The following SEMA3C variants were observed in gnomAD, a reference collection of about 807,000 sequenced individuals.
The protein encoded by SEMA3C is semaphorin-3C.
A neutral mutation model predicts 89.4 loss-of-function variants in SEMA3C; 47 were observed. That is an observed-to-expected ratio of 0.53 (90% confidence interval 0.42 to 0.67). The LOEUF (loss-of-function observed/expected upper bound fraction) is 0.67. Ranked by LOEUF, SEMA3C falls within the 30% of genes least tolerant of loss-of-function variation. The pLI is 0.00. For missense variants in SEMA3C, 839 were observed against 929.1 expected, an observed-to-expected ratio of 0.90 and a Z score of 1.26; for synonymous variants, 310 against 320.2, an observed-to-expected ratio of 0.97 and a Z score of 0.34.
At chr7:80,775,157 G>A (rs1181334614) in intron 12 of SEMA3C, among the ~76,000 whole-genome samples, 2 of 151,276 alleles carry the variant, frequency 1.3e-5, no homozygotes, top group African/African-American at 4.8e-5. Context: ...TAAAAGCATG[G>A]AAATTTTGTT....
intron 2 of SEMA3C, among the ~76,000 whole-genome samples, chr7:80,910,210 T>A (rs1792111412): frequency 5.9e-5 from 9 of 152,186 alleles, no homozygotes; most frequent in Admixed American, 5.2e-4. Flanking sequence ...GCCAATTTAC[T>A]TCATAGGCAT....
intron 11 of SEMA3C, among the ~76,000 whole-genome samples, chr7:80,792,087 A>G (rs899908017): frequency 2.0e-5 from 3 of 152,338 alleles, no homozygotes; most frequent in African/African-American, 7.2e-5. Flanking sequence ...TCTTTATTCC[A>G]TTAACTAGAC....
chr7:80,881,120 A>G (rs1156743523), intron 2 of SEMA3C, among the ~76,000 whole-genome samples: 1 of 151,448 alleles, frequency 6.6e-6, no homozygotes, highest in Non-Finnish European at 1.5e-5. Context: ...ATGATCTTCT[A>G]CCAAAAAAAT....
At chr7:80,858,251 C>T (rs1029977000) in intron 2 of SEMA3C, among the ~76,000 whole-genome samples, 17 of 152,014 alleles carry the variant, frequency 1.1e-4, no homozygotes, top group Non-Finnish European at 2.2e-4. Flanking sequence ...TTGGGTGCGG[C>T]TCAAAATGCA....
chr7:80,821,926 T>A (rs1487946562), intron 4 of SEMA3C, among the ~76,000 whole-genome samples: 1 of 151,490 alleles, frequency 6.6e-6, no homozygotes, highest in African/African-American at 2.4e-5. Flanking sequence ...ACACTATCTG[T>A]TGCTCAATGT....
At chr7:80,834,738 C>A (rs1214462464) in intron 2 of SEMA3C, among the ~76,000 whole-genome samples, 1 of 152,036 alleles carries the variant, frequency 6.6e-6, no homozygotes, top group Non-Finnish European at 1.5e-5. Flanking sequence ...TTCCAGGATA[C>A]CCTACAGATA....
chr7:80,922,333 G>A, upstream of SEMA3C: 1 of 1,267,080 alleles, frequency 7.9e-7, no homozygotes, highest in Admixed American at 2.3e-5. Context: ...ACTTCCATAT[G>A]CCATCCTTTT....
chr7:80,762,703 C>T (rs984809919), intron 13 of SEMA3C, among the ~76,000 whole-genome samples: 1 of 152,106 alleles, frequency 6.6e-6, no homozygotes, highest in Non-Finnish European at 1.5e-5. Context: ...ATCCCAGCTA[C>T]TCAGAAGGAT....
Position 80,919,013 on chromosome 7 carries a change from G to T in SEMA3C, c.-224C>A, listed in dbSNP as rs968776082. Reference sequence around the variant, plus strand: ...CAGCGCTGCAGTGCCGCGGCACCCGGAGCTCTTCTCCGCGTCGCTCAATCA... The same window carrying T: ...CAGCGCTGCAGTGCCGCGGCACCCGTAGCTCTTCTCCGCGTCGCTCAATCA... On this transcript the variant is annotated 5_prime_UTR_variant, in exon 1 of 18. Coordinates refer to ENST00000265361, the MANE Select transcript of SEMA3C (RefSeq NM_006379.5). 8.3e-5 allele frequency: 82 copies of T among 985,238 alleles called. No homozygotes were observed. Among genetic ancestry groups the T allele is most frequent in the Non-Finnish European group, 9.3e-5 (77 of 829,924 alleles). 61.0% of individuals were successfully genotyped at this position (985,238 alleles called of 1,614,324 possible).
At chr7:80,764,586 C>CT (rs1562864697) in intron 13 of SEMA3C, among the ~76,000 whole-genome samples, 2 of 151,126 alleles carry the variant, frequency 1.3e-5, no homozygotes, top group South Asian at 2.1e-4. Context: ...TCCTTTTTTT[C>CT]TTTTTTTATC....
intron 6 of SEMA3C, among the ~76,000 whole-genome samples, chr7:80,807,085 TACCATTTTAGCTTCTTTAA>T (rs1789359474): frequency 1.3e-5 from 2 of 152,162 alleles, no homozygotes; most frequent in Non-Finnish European, 2.9e-5. Flanking sequence ...TTTTTTTCTT[TACCATTTTAGCTTCTTTAA>T]AATTCTAAGA....
chr7:80,803,876 G>GT (rs1214000716), intron 8 of SEMA3C, among the ~76,000 whole-genome samples: 1 of 151,998 alleles, frequency 6.6e-6, no homozygotes, highest in Admixed American at 6.6e-5. Flanking sequence ...AATAGGGTAT[G>GT]TTTATCTCAT....
At chr7:80,832,235 G>GCTCT (rs1279034652) in intron 2 of SEMA3C, among the ~76,000 whole-genome samples, 3 of 152,140 alleles carry the variant, frequency 2.0e-5, no homozygotes, top group Admixed American at 6.6e-5. Flanking sequence ...CTCAACTGGT[G>GCTCT]TCACAGTTCT....
intron 2 of SEMA3C, among the ~76,000 whole-genome samples, chr7:80,898,801 C>G (rs540286791): frequency 1.3e-4 from 20 of 150,704 alleles, no homozygotes; most frequent in African/African-American, 4.9e-4. Context: ...GTAGCCACAG[C>G]CTGTCCATAA....
At chr7:80,920,397 C>A (rs1402356584), upstream of SEMA3C, among the ~76,000 whole-genome samples, 4 of 152,144 alleles carry the variant, frequency 2.6e-5, no homozygotes, top group Non-Finnish European at 4.4e-5. Flanking sequence ...ATGAAACAAT[C>A]ATTAAATTCT....
rs796217306 is a variant in SEMA3C, at chr7:80,744,227, A to T, written c.*667T>A. Reference sequence around the variant, plus strand: ...TGCTTCACTGATATAACTCCCACCAAATATCTTCATGGGGTAGGTTACTGA... The same window carrying T: ...TGCTTCACTGATATAACTCCCACCATATATCTTCATGGGGTAGGTTACTGA... On this transcript the variant is annotated 3_prime_UTR_variant, in exon 18 of 18. Transcript: ENST00000265361. 3.3e-5 allele frequency: 5 copies of T among 152,290 alleles called. No individual in the cohort carries two copies. The highest frequency in any genetic ancestry group is 1.2e-4 in the African/African-American group (5 of 41,548). 9.4% of individuals were successfully genotyped at this position (152,290 alleles called of 1,614,324 possible).
rs1156733883 is a variant in SEMA3C at position 80,789,452 on chromosome 7, T to C, written c.1208A>G (p.Asn403Ser). Residue 403 changes from asparagine (N) to serine (S), a missense_variant, in exon 12 of 18, where the codon AAC becomes AGC. By Grantham distance (46) the Asn-to-Ser change is conservative. Coordinates refer to ENST00000265361, the MANE Select transcript of SEMA3C (RefSeq NM_006379.5). The part of the protein sequence containing the change: ...FPDDVVTFIR[N>S]HPLMYNSIYP... ...GATGGAATTGTACATGAGAGGATGG[T>C]TCCGAATAAAAGTGACAACATCATC... 3 of 1,613,900 alleles carry C rather than the reference T, an allele frequency of 1.9e-6. No individual in the cohort carries two copies. The highest frequency in any genetic ancestry group is 2.2e-5 in the East Asian group (1 of 44,870).
chr7:80,745,011 CCG>C lies in SEMA3C; in HGVS notation c.2137_2138del (p.Arg713AlafsTer8). On this transcript the variant is annotated frameshift_variant, in exon 18 of 18. Coordinates refer to ENST00000265361, the MANE Select transcript of SEMA3C (RefSeq NM_006379.5). LOFTEE classifies it high-confidence loss of function. The stretch of plus-strand genomic sequence containing the variant: ...ATTCATCTCCCTGCTGATGTTGCTG[CCG>C]AGTGTCTTTGCAATATTGGTTAATC... ...QMINQYCKDT[R>X]QQHQQGDESQ... The C allele has an allele frequency of 6.2e-7, 1 of 1,614,106 alleles. No homozygotes were observed. Among genetic ancestry groups the C allele is most frequent in the Non-Finnish European group, 8.5e-7 (1 of 1,179,996 alleles).
intron 16 of SEMA3C, among the ~76,000 whole-genome samples, chr7:80,749,269 T>C (rs1008997500): frequency 2.0e-5 from 3 of 152,194 alleles, no homozygotes; most frequent in African/African-American, 7.2e-5. Context: ...AAGAAAATCA[T>C]GTTTATTCAA....
Sources: allele counts gnomAD v4.1 joint callset (sites outside exome capture counted in the v4.1 genomes callset), GRCh38; gene constraint gnomAD v4.1.1; transcripts MANE v1.5; gene names NCBI Gene and HGNC (gene_info 2026-07-23, HGNC 2026-07-21).